ADGRB3: variants seen among roughly 807,000 people sequenced by gnomAD.
The protein encoded by ADGRB3 is adhesion G protein-coupled receptor B3.
ADGRB3 carries 37 observed loss-of-function variants against 193.4 expected under a neutral mutation model. That is an observed-to-expected ratio of 0.19 (90% CI 0.15 to 0.25). ADGRB3 has a LOEUF of 0.25. ADGRB3 is among the 10% of genes least tolerant of loss of function. The pLI is 1.00. For synonymous variants in ADGRB3, 690 were observed against 644.2 expected, an observed-to-expected ratio of 1.07 and a Z score of -1.08; for missense variants, 1,637 against 1,852.9, an observed-to-expected ratio of 0.88 and a Z score of 2.14.
chr6:68,903,511 A>G (rs1766456352), intron 3 of ADGRB3, among the ~76,000 whole-genome samples: 1 of 152,180 alleles, frequency 6.6e-6, no homozygotes, highest in Admixed American at 6.6e-5. Flanking sequence ...ACAATATCCC[A>G]TCAGAATTTT....
Position 69,043,308 on chromosome 6 carries a change from G to GAAAGAAAGAAAGAAAGAAAGAA in ADGRB3, c.2108-4875_2108-4854dup, listed in dbSNP as rs1771134725. On this transcript the variant is annotated intron_variant, in intron 13 of 31. Transcript: ENST00000370598. ...AGAAAGAGAGAAAGAAAGAAAGAAAGAAAGAAAGAAAGAAAGAAAGAAAGA... is the reference window on the plus strand; with the variant it reads ...AGAAAGAGAGAAAGAAAGAAAGAAAGAAAGAAAGAAAGAAAGAAAGAAAAAGAAAGAAAGAAAGAAAGAAAGA... 4.0e-5 allele frequency among the ~76,000 whole-genome samples: 6 copies of GAAAGAAAGAAAGAAAGAAAGAA among 149,168 alleles called. No individual in the cohort carries two copies. The South Asian group carries it at 1.1e-3, about 26-fold the overall frequency.
chr6:69,338,878 T>C, intron 24 of ADGRB3, 38 bp from the exon 25 acceptor site: 1 of 1,571,456 alleles, frequency 6.4e-7, no homozygotes, highest in Non-Finnish European at 8.7e-7. Flanking sequence ...GACAATTCAA[T>C]ATTTTGTTCT....
At chr6:69,342,876 T>C (rs1769004421) in intron 26 of ADGRB3, among the ~76,000 whole-genome samples, 1 of 152,040 alleles carries the variant, frequency 6.6e-6, no homozygotes, top group South Asian at 2.1e-4. Context: ...ATATAAGCAA[T>C]GTAAAATATA....
chr6:68,762,780 A>G (rs1036854864), intron 3 of ADGRB3, among the ~76,000 whole-genome samples: 8 of 152,152 alleles, frequency 5.3e-5, no homozygotes, highest in African/African-American at 1.9e-4. Flanking sequence ...AGTAATAACA[A>G]TAGCACCTAT....
At chr6:69,331,852 T>G (rs1464632533) in intron 23 of ADGRB3, 1 of 984,560 alleles carries the variant, frequency 1.0e-6, no homozygotes, top group Admixed American at 6.2e-5. Context: ...ACTTTTTCTC[T>G]TAGTTTAAAT....
intron 17 of ADGRB3, among the ~76,000 whole-genome samples, chr6:69,203,605 C>G (rs1196335072): frequency 6.6e-6 from 1 of 152,104 alleles, no homozygotes; most frequent in Non-Finnish European, 1.5e-5. Flanking sequence ...AAACGTGACC[C>G]TCAAGATTCT....
At chr6:69,300,762 GA>G (rs1323398134) in intron 20 of ADGRB3, among the ~76,000 whole-genome samples, 14 of 151,690 alleles carry the variant, frequency 9.2e-5, no homozygotes, top group African/African-American at 3.4e-4. Flanking sequence ...CTTAAACAAA[GA>G]AGTGAAAAAT....
At chr6:68,717,420 G>C (rs1190088831) in intron 3 of ADGRB3, among the ~76,000 whole-genome samples, 1 of 151,688 alleles carries the variant, frequency 6.6e-6, no homozygotes. Flanking sequence ...ATCTAAAAAT[G>C]TTGTAGGTGT....
intron 13 of ADGRB3, among the ~76,000 whole-genome samples, chr6:69,043,313 A>AAAGAAAGAAAGAAAGAAAG (rs1771136268): frequency 6.8e-6 from 1 of 148,128 alleles, no homozygotes; most frequent in Non-Finnish European, 1.5e-5. Flanking sequence ...AGAAAGAAAG[A>AAAGAAAGAAAGAAAGAAAG]AAGAAAGAAA....
At chr6:68,823,831 G>A (rs1218239557) in intron 3 of ADGRB3, among the ~76,000 whole-genome samples, 4 of 152,030 alleles carry the variant, frequency 2.6e-5, no homozygotes, top group South Asian at 2.1e-4. Context: ...AAGTGTCATC[G>A]GTGAATATCT....
chr6:69,035,270 T>G (rs1770833961), intron 13 of ADGRB3, among the ~76,000 whole-genome samples: 1 of 152,112 alleles, frequency 6.6e-6, no homozygotes, highest in Admixed American at 6.6e-5. Flanking sequence ...CTATTGCCCC[T>G]TTTCTCTCTT....
intron 3 of ADGRB3, among the ~76,000 whole-genome samples, chr6:68,853,730 C>G (rs1251606004): frequency 6.6e-6 from 1 of 151,854 alleles, no homozygotes; most frequent in East Asian, 1.9e-4. Flanking sequence ...GTTGTTCTAA[C>G]TTACTCAGAC....
intron 20 of ADGRB3, among the ~76,000 whole-genome samples, chr6:69,280,580 T>C (rs1767413236): frequency 6.6e-6 from 1 of 152,186 alleles, no homozygotes; most frequent in Non-Finnish European, 1.5e-5. Context: ...ACGGCAATAT[T>C]GTGAAGATTA....
chr6:68,998,534 G>A (rs980047858), intron 11 of ADGRB3, among the ~76,000 whole-genome samples: 1 of 152,144 alleles, frequency 6.6e-6, no homozygotes, highest in Non-Finnish European at 1.5e-5. Flanking sequence ...ACTTCAGTAA[G>A]GAACATGGGT....
intron 13 of ADGRB3, among the ~76,000 whole-genome samples, chr6:69,045,190 T>C (rs1459252809): frequency 6.6e-6 from 1 of 152,166 alleles, no homozygotes; most frequent in African/African-American, 2.4e-5. Context: ...GAAGGTCGGA[T>C]TGTTCTAGTG....
chr6:69,215,536 T>A (rs1337724593), intron 17 of ADGRB3, among the ~76,000 whole-genome samples: 1 of 152,108 alleles, frequency 6.6e-6, no homozygotes, highest in East Asian at 1.9e-4. Context: ...TTTTATGAAA[T>A]ATCCATTGCT....
chr6:68,648,145 T>G (rs1328377478), intron 3 of ADGRB3, among the ~76,000 whole-genome samples: 1 of 152,192 alleles, frequency 6.6e-6, no homozygotes, highest in Non-Finnish European at 1.5e-5. Context: ...ATAAAGTATT[T>G]CTAGTGTGTA....
chr6:68,932,623 G>A (rs917143134), intron 4 of ADGRB3, among the ~76,000 whole-genome samples: 1 of 151,758 alleles, frequency 6.6e-6, no homozygotes, highest in Non-Finnish European at 1.5e-5. Flanking sequence ...AAGGTGTTAA[G>A]GTAGTCTGAA....
chr6:68,771,726 T>C (rs1457377424), intron 3 of ADGRB3, among the ~76,000 whole-genome samples: 1 of 152,012 alleles, frequency 6.6e-6, no homozygotes, highest in African/African-American at 2.4e-5. Context: ...ATAGCAGCAT[T>C]AAGGAGAAAC....
Sources: allele counts gnomAD v4.1 joint callset (sites outside exome capture counted in the v4.1 genomes callset), GRCh38; gene constraint gnomAD v4.1.1; transcripts MANE v1.5; gene names NCBI Gene and HGNC (gene_info 2026-07-23, HGNC 2026-07-21).